MIGA1: variants seen among roughly 807,000 people sequenced by gnomAD.
MIGA1 encodes the protein mitoguardin 1, also known as family with sequence similarity 73, member A.
A neutral mutation model predicts 82.0 loss-of-function variants in MIGA1; 58 were observed. That is an observed-to-expected ratio of 0.71 (90% CI 0.57 to 0.88). MIGA1 has a LOEUF of 0.88. Ranked by LOEUF, MIGA1 falls within the 40% of genes least tolerant of loss-of-function variation. The pLI is 0.00. For missense variants in MIGA1, 751 were observed against 749.1 expected, an observed-to-expected ratio of 1.00 and a Z score of -0.03; for synonymous variants, 249 against 253.6, an observed-to-expected ratio of 0.98 and a Z score of 0.17.
chr1:77,819,655 C>T (rs181468936), intron 7 of MIGA1, among the ~76,000 whole-genome samples: 5 of 152,160 alleles, frequency 3.3e-5, no homozygotes, highest in East Asian at 1.9e-4. Flanking sequence ...TCGATCTTGA[C>T]GCAGTACAAC....
intron 13 of MIGA1, among the ~76,000 whole-genome samples, chr1:77,865,343 C>A (rs1055223595): frequency 1.3e-5 from 2 of 152,016 alleles, no homozygotes; most frequent in Admixed American, 6.6e-5. Context: ...GTAATCCCAG[C>A]ACTTTGGAAG....
intron 7 of MIGA1, among the ~76,000 whole-genome samples, chr1:77,822,836 T>G (rs941386034): frequency 1.8e-5 from 2 of 114,280 alleles, no homozygotes; most frequent in South Asian, 5.3e-4. Context: ...TTTCAGCATG[T>G]TTTTTTTTTT....
intron 5 of MIGA1, chr1:77,811,082 T>G (rs1466581248): frequency 6.2e-7 from 1 of 1,612,642 alleles, no homozygotes; most frequent in Non-Finnish European, 8.5e-7. Context: ...GCACCTTTGG[T>G]TAATTTTTCA....
intron 5 of MIGA1, among the ~76,000 whole-genome samples, chr1:77,812,204 C>T (rs1300003942): frequency 6.6e-6 from 1 of 152,138 alleles, no homozygotes; most frequent in Non-Finnish European, 1.5e-5. Context: ...TGTGGTGGCT[C>T]ACGCCTGTAA....
intron 4 of MIGA1, among the ~76,000 whole-genome samples, chr1:77,806,093 C>T (rs1483860302): frequency 2.0e-5 from 3 of 151,978 alleles, no homozygotes; most frequent in Non-Finnish European, 4.4e-5. Context: ...ATTCAAATAC[C>T]ACCCTAATTA....
rs1450211875 is a variant in MIGA1, at chr1:77,876,014, T to TC, written c.*953dup. ...CAGGTGTGGTGGCGGGCGCCTGTAG[T>TC]CCCAGCTACTCGGGAGGCTGACACA... On this transcript the variant is annotated 3_prime_UTR_variant, in exon 16 of 16. Coordinates refer to ENST00000370791, the MANE Select transcript of MIGA1 (RefSeq NM_198549.4). 6.6e-6 allele frequency: 1 copy of TC among 152,242 alleles called. No homozygotes were observed. The highest frequency in any genetic ancestry group is 1.5e-5 in the Non-Finnish European group (1 of 68,174). 9.4% of individuals were successfully genotyped at this position (152,242 alleles called of 1,614,324 possible).
In MIGA1 at chr1:77,877,317, A is replaced by G. The variant is rs1450308293; in HGVS notation, c.*2253A>G. 1 of 152,206 alleles carries G rather than the reference A, an allele frequency of 6.6e-6. No homozygotes were observed. The highest frequency in any genetic ancestry group is 2.4e-5 in the African/African-American group (1 of 41,450). 9.4% of individuals were successfully genotyped at this position (152,206 alleles called of 1,614,324 possible). A position where few individuals can be genotyped will look rare whatever the true frequency, so the allele number is the denominator to read the frequency against. ...GGAATTCAGGATCATGCTGTTTTGC[A>G]TGTACTTTATAGGTTATATAGCATG... On this transcript the variant is annotated 3_prime_UTR_variant, in exon 16 of 16. Transcript: ENST00000370791.
intron 7 of MIGA1, among the ~76,000 whole-genome samples, chr1:77,841,039 A>G (rs1454965771): frequency 6.6e-6 from 1 of 152,134 alleles, no homozygotes; most frequent in Non-Finnish European, 1.5e-5. Context: ...GAATTATGGG[A>G]GTTTTTCTAA....
chr1:77,806,761 C>G (rs1683115895), intron 4 of MIGA1, among the ~76,000 whole-genome samples: 1 of 152,162 alleles, frequency 6.6e-6, no homozygotes, highest in Admixed American at 6.5e-5. Flanking sequence ...ATTCAAAATA[C>G]TACTCTTCTT....
intron 7 of MIGA1, among the ~76,000 whole-genome samples, chr1:77,819,179 G>T (rs1683703499): frequency 1.3e-5 from 2 of 151,982 alleles, no homozygotes; most frequent in African/African-American, 2.4e-5. Context: ...GATGGGGAAA[G>T]TGAAGTACAG....
At chr1:77,787,818 CTT>C (rs1348207073) in intron 2 of MIGA1, among the ~76,000 whole-genome samples, 14 of 138,092 alleles carry the variant, frequency 1.0e-4, no homozygotes, top group Non-Finnish European at 9.5e-5. Flanking sequence ...CTTTTCTTTT[CTT>C]TTTTTTTTTT....
chr1:77,814,531 G>C (rs140997430), intron 6 of MIGA1, among the ~76,000 whole-genome samples: 70 of 152,210 alleles, frequency 4.6e-4, no homozygotes, highest in South Asian at 1.2e-3. Context: ...CAAGCAGCTG[G>C]GACTGCAGGC....
chr1:77,860,158 AT>A, intron 11 of MIGA1, 32 bp downstream of exon 11: 1 of 1,521,084 alleles, frequency 6.6e-7, no homozygotes, highest in Non-Finnish European at 9.0e-7. Context: ...GATTTTTACC[AT>A]TTACAAAAGT....
chr1:77,877,144 G>A lies in MIGA1; in HGVS notation c.*2080G>A, dbSNP rs1159329489. 2.0e-5 allele frequency: 3 copies of A among 152,078 alleles called. No homozygotes were observed. Among genetic ancestry groups the A allele is most frequent in the Non-Finnish European group, 4.4e-5 (3 of 68,024 alleles). The allele number at this position is 152,078 out of a possible 1,614,324, so 9.4% of individuals were successfully genotyped here. Reference sequence around the variant, plus strand: ...TGTCACCATGTCTTACTCCTAAAATGCATTTTTAAAAAGCGAATTTTTAGA... The same window carrying A: ...TGTCACCATGTCTTACTCCTAAAATACATTTTTAAAAAGCGAATTTTTAGA... On this transcript the variant is annotated 3_prime_UTR_variant, in exon 16 of 16. Transcript: ENST00000370791.
intron 4 of MIGA1, among the ~76,000 whole-genome samples, chr1:77,804,420 A>G (rs1683006774): frequency 6.6e-6 from 1 of 152,210 alleles, no homozygotes; most frequent in Admixed American, 6.5e-5. Context: ...AACAGGCAAA[A>G]GAATATACAA....
At position 77,804,683 on chromosome 1, in the gene MIGA1, C is replaced by T. The variant is rs1330191411; in HGVS notation, c.510+1277C>T. ...TTGCCCAGGCTGGAGCGCAGTGGCG[C>T]GATGAGCTGGAACTCAGCTCATTGC... On this transcript the variant is annotated intron_variant, in intron 4 of 15. Transcript: ENST00000370791. Among the ~76,000 whole-genome samples, 20 of 151,342 alleles carry T rather than the reference C, an allele frequency of 1.3e-4. No homozygotes were observed. The East Asian group carries it at 1.6e-3, about 12-fold the overall frequency.
At chr1:77,864,122 A>C in intron 13 of MIGA1, 94 bp downstream of exon 13, 1 of 1,307,926 alleles carries the variant, frequency 7.6e-7, no homozygotes, top group Non-Finnish European at 1.0e-6. Context: ...GCACTTTGGG[A>C]GGCCAAGGCA....
In MIGA1 at chr1:77,779,749, G is replaced by C. The variant is rs1324925041; in HGVS notation, c.81+13G>C. On this transcript the variant is annotated intron_variant, in intron 1 of 15. Transcript: ENST00000370791. ...CCTGGAGCTCCAGGTACAGGGCCAG[G>C]GGCGGGGTGGGGTGGAGAGGCGGGC... 4.5e-6 allele frequency: 7 copies of C among 1,553,888 alleles called. No homozygotes were observed. Among genetic ancestry groups the C allele is most frequent in the Non-Finnish European group, 6.1e-6 (7 of 1,148,948 alleles).
At chr1:77,828,516 G>A (rs958298233) in intron 7 of MIGA1, among the ~76,000 whole-genome samples, 2 of 152,126 alleles carry the variant, frequency 1.3e-5, no homozygotes, top group African/African-American at 4.8e-5. Flanking sequence ...TATAATTTCA[G>A]CTTATTAAAT....
Sources: allele counts gnomAD v4.1 joint callset (sites outside exome capture counted in the v4.1 genomes callset), GRCh38; gene constraint gnomAD v4.1.1; transcripts MANE v1.5; gene names NCBI Gene and HGNC (gene_info 2026-07-23, HGNC 2026-07-21).